Variants in CFAP43 observed in about 807,000 individuals in gnomAD.
CFAP43 encodes cilia- and flagella-associated protein 43.
CFAP43 carries 155 observed loss-of-function variants against 218.9 expected under a neutral mutation model. That is an observed-to-expected ratio of 0.71 (90% CI 0.62 to 0.81). The LOEUF is 0.81. Among genes scored for constraint, CFAP43 ranks in the 30% least tolerant of loss-of-function variants. The probability of loss-of-function intolerance (pLI) is 0.00; values close to 1 mark genes in which losing one functional copy is unlikely to be tolerated. For synonymous variants in CFAP43, 645 were observed against 681.3 expected (o/e 0.95, Z 0.83); for missense variants, 1,778 against 1,954.3 (o/e 0.91, Z 1.70).
intron 34 of CFAP43, among the ~76,000 whole-genome samples, chr10:104,136,459 C>T (rs974813884): frequency 3.3e-5 from 5 of 151,978 alleles, no homozygotes; most frequent in African/African-American, 1.2e-4. Flanking sequence ...CAACCTCCGC[C>T]TCCCGAGTTC....
chr10:104,137,952 A>G (rs2087530006), intron 34 of CFAP43, among the ~76,000 whole-genome samples: 1 of 152,274 alleles, frequency 6.6e-6, no homozygotes, highest in African/African-American at 2.4e-5. Context: ...ACCACAATAA[A>G]AATATCTCTA....
At position 104,146,322 on chromosome 10, in the gene CFAP43, A is replaced by G. The variant is rs2087968025; in HGVS notation, c.3796T>C (p.Ser1266Pro). 19 of 1,613,728 alleles carry G rather than the reference A, an allele frequency of 1.2e-5. No individual in the cohort carries two copies. The highest frequency in any genetic ancestry group is 1.3e-5 in the Non-Finnish European group (15 of 1,179,714). The change falls in exon 30 of 38, where the codon TCT becomes CCT. Residue 1266 changes from serine (S) to proline (P), a missense_variant. Ser to Pro is a moderately conservative substitution (Grantham distance 74). Coordinates refer to ENST00000357060, the MANE Select transcript of CFAP43 (RefSeq NM_025145.7). ...TTGCACACATCCAGGTCTTCTCTAGATTTCCGAACAGCTTCTGAAGTCTGG... is the reference window on the plus strand; with the variant it reads ...TTGCACACATCCAGGTCTTCTCTAGGTTTCCGAACAGCTTCTGAAGTCTGG... ...KSQTSEAVRK[S>P]REDLDVCKEH...
intron 27 of CFAP43, among the ~76,000 whole-genome samples, chr10:104,158,340 T>C (rs2088685521): frequency 1.3e-5 from 2 of 152,266 alleles, no homozygotes; most frequent in South Asian, 4.1e-4. Flanking sequence ...AAACCTTCTT[T>C]CCAGTGATCA....
chr10:104,203,227 T>C (rs895390365), intron 8 of CFAP43, among the ~76,000 whole-genome samples: 1 of 152,088 alleles, frequency 6.6e-6, no homozygotes. Context: ...TGACCCGGGG[T>C]AGACACGTGA....
intron 27 of CFAP43, among the ~76,000 whole-genome samples, chr10:104,159,329 G>A (rs1180351063): frequency 2.0e-5 from 3 of 152,090 alleles, no homozygotes; most frequent in Admixed American, 6.5e-5. Flanking sequence ...AATTTATACT[G>A]ACCCAAATAT....
intron 37 of CFAP43, 37 bp downstream of exon 37, chr10:104,131,294 A>G: frequency 6.3e-7 from 1 of 1,587,038 alleles, no homozygotes; most frequent in Non-Finnish European, 8.5e-7. Flanking sequence ...CTTTTAAAGA[A>G]ACCTACAGTT....
intron 3 of CFAP43, among the ~76,000 whole-genome samples, chr10:104,216,667 TCACTGC>T (rs1294404325): frequency 6.6e-6 from 1 of 152,150 alleles, no homozygotes; most frequent in Non-Finnish European, 1.5e-5. Context: ...CCACAGTCTG[TCACTGC>T]CTGAGGACTG....
At chr10:104,218,738 C>T in intron 3 of CFAP43, 2 of 527,028 alleles carry the variant, frequency 3.8e-6, no homozygotes, top group Non-Finnish European at 7.8e-6. Flanking sequence ...TGTGCCCTTC[C>T]CCTCATCCTT....
At chr10:104,144,442 A>T (rs1224861112) in intron 31 of CFAP43, among the ~76,000 whole-genome samples, 1 of 152,190 alleles carries the variant, frequency 6.6e-6, no homozygotes, top group African/African-American at 2.4e-5. Flanking sequence ...CGAGGTCAGG[A>T]GATCGAGATC....
intron 19 of CFAP43, among the ~76,000 whole-genome samples, chr10:104,173,752 A>T (rs570345960): frequency 8.5e-5 from 13 of 152,254 alleles, no homozygotes; most frequent in Non-Finnish European, 1.9e-4. Context: ...TGCTAAAGTC[A>T]GATCTCCTAC....
At chr10:104,214,588 T>C (rs1258600497) in intron 3 of CFAP43, among the ~76,000 whole-genome samples, 162 bp from the exon 4 acceptor site, 1 of 152,256 alleles carries the variant, frequency 6.6e-6, no homozygotes, top group Non-Finnish European at 1.5e-5. Context: ...ATGCTTATCA[T>C]TGTATTGTAT....
chr10:104,186,934 T>G (rs1289016353), intron 14 of CFAP43, among the ~76,000 whole-genome samples: 1 of 152,222 alleles, frequency 6.6e-6, no homozygotes, highest in Non-Finnish European at 1.5e-5. Flanking sequence ...AAACACAGTT[T>G]AATTATTTTT....
intron 14 of CFAP43, among the ~76,000 whole-genome samples, chr10:104,186,765 A>G (rs372685088): frequency 2.0e-5 from 3 of 152,178 alleles, no homozygotes; most frequent in South Asian, 2.1e-4. Flanking sequence ...TGAAGAATTT[A>G]GAGGAAGGAA....
At chr10:104,214,091 A>T (rs766783169) in intron 4 of CFAP43, among the ~76,000 whole-genome samples, 168 bp downstream of exon 4, 1 of 152,218 alleles carries the variant, frequency 6.6e-6, no homozygotes, top group Non-Finnish European at 1.5e-5. Context: ...GTAATCACGC[A>T]TGTAGAAAGA....
chr10:104,131,754 A>G (rs947564892), intron 36 of CFAP43, among the ~76,000 whole-genome samples: 1 of 152,234 alleles, frequency 6.6e-6, no homozygotes, highest in Non-Finnish European at 1.5e-5. Flanking sequence ...TTTCTAATAT[A>G]TGCTACATAA....
chr10:104,184,836 GC>G (rs914155917), intron 16 of CFAP43, among the ~76,000 whole-genome samples, 179 bp downstream of exon 16: 12 of 152,142 alleles, frequency 7.9e-5, no homozygotes, highest in Admixed American at 2.0e-4. Flanking sequence ...CCCCAGGTCT[GC>G]CCCATGTGGT....
intron 1 of CFAP43, 146 bp from the exon 2 acceptor site, chr10:104,230,989 T>C (rs1304989989): frequency 1.1e-6 from 1 of 890,942 alleles, no homozygotes; most frequent in African/African-American, 1.7e-5. Flanking sequence ...AGAACACACA[T>C]GCTGGCTGTG....
intron 3 of CFAP43, among the ~76,000 whole-genome samples, chr10:104,218,296 C>A (rs965004000): frequency 7.1e-6 from 1 of 140,444 alleles, no homozygotes; most frequent in Non-Finnish European, 1.5e-5. Context: ...TGCAGTGAGC[C>A]GAGATCGCAC....
At chr10:104,209,880 C>T (rs560594302) in intron 5 of CFAP43, among the ~76,000 whole-genome samples, 1 of 152,144 alleles carries the variant, frequency 6.6e-6, no homozygotes, top group Non-Finnish European at 1.5e-5. Flanking sequence ...CAGGACCCCC[C>T]ACTGATACCA....
Sources: allele counts gnomAD v4.1 joint callset (sites outside exome capture counted in the v4.1 genomes callset), GRCh38; gene constraint gnomAD v4.1.1; transcripts MANE v1.5; gene names NCBI Gene and HGNC (gene_info 2026-07-23, HGNC 2026-07-21).